Variants in LRIG1 observed in about 807,000 individuals in gnomAD.
LRIG1 encodes leucine rich repeats and immunoglobulin like domains 1, also known as leucine-rich repeats and immunoglobulin-like domains protein 1.
In LRIG1, 48 loss-of-function variants were observed where a neutral mutation model predicts 99.2. The observed-to-expected ratio is 0.48, with a 90% CI of 0.38 to 0.62. LRIG1 has a LOEUF of 0.62. LRIG1 is among the 20% of genes least tolerant of loss of function. The pLI is 0.00. For missense variants in LRIG1, 1,646 were observed against 1,434.4 expected, an observed-to-expected ratio of 1.15 and a Z score of -2.38; for synonymous variants, 772 against 596.1, an observed-to-expected ratio of 1.29 and a Z score of -4.30.
Position 66,404,350 on chromosome 3 carries a change from C to T in LRIG1, c.1160+848G>A, listed in dbSNP as rs748154036. The T allele has an allele frequency of 1.0e-4, 130 of 1,286,088 alleles. 3 individuals are homozygous for T. Among genetic ancestry groups the T allele is most frequent in the South Asian group, 7.7e-4 (62 of 80,340 alleles). The allele number at this position is 1,286,088 out of a possible 1,614,324, so 79.7% of individuals were successfully genotyped here. ...CGGGCTGGGGGAATCGAGCGGCAGC[C>T]GTCCTCTCTGTCTTGCCCTCCTCCA... is the stretch of plus-strand genomic sequence containing the variant. On this transcript the variant is annotated intron_variant, in intron 9 of 18. Coordinates refer to ENST00000273261, the MANE Select transcript of LRIG1 (RefSeq NM_015541.3).
chr3:66,388,205 T>G (rs2107948152), intron 12 of LRIG1: 1 of 149,052 alleles, frequency 6.7e-6, no homozygotes, highest in Admixed American at 6.7e-5. Flanking sequence ...ATTTTGAAAC[T>G]TAGAAGTACA....
At chr3:66,432,889 A>C (rs1012157277) in intron 3 of LRIG1, among the ~76,000 whole-genome samples, 2 of 152,168 alleles carry the variant, frequency 1.3e-5, no homozygotes, top group African/African-American at 4.8e-5. Flanking sequence ...GGGAACAAGA[A>C]GGGGAATGTC....
chr3:66,492,323 G>T (rs1701119416), intron 1 of LRIG1, among the ~76,000 whole-genome samples: 2 of 152,276 alleles, frequency 1.3e-5, no homozygotes, highest in African/African-American at 4.8e-5. Context: ...ATATTTCAAT[G>T]GCAAATTATA....
chr3:66,457,905 C>T (rs948049088), intron 2 of LRIG1, among the ~76,000 whole-genome samples: 4 of 152,168 alleles, frequency 2.6e-5, no homozygotes, highest in South Asian at 2.1e-4. Flanking sequence ...TCACTAATCA[C>T]GCAATTTCAG....
At chr3:66,407,808 C>G (rs1266268507) in intron 7 of LRIG1, among the ~76,000 whole-genome samples, 1 of 152,240 alleles carries the variant, frequency 6.6e-6, no homozygotes, top group Non-Finnish European at 1.5e-5. Flanking sequence ...CAAGCTCCAG[C>G]GCCTTCATGC....
chr3:66,416,559 CCATT>C (rs773795269), intron 4 of LRIG1, among the ~76,000 whole-genome samples: 2 of 152,148 alleles, frequency 1.3e-5, no homozygotes, highest in Non-Finnish European at 2.9e-5. Context: ...TGTCTACCAT[CCATT>C]GTGTGTGAGA....
At chr3:66,435,874 A>C (rs777752230) in intron 3 of LRIG1, among the ~76,000 whole-genome samples, 1 of 152,140 alleles carries the variant, frequency 6.6e-6, no homozygotes, top group African/African-American at 2.4e-5. Flanking sequence ...TCACGGTGGA[A>C]TCAGATGGAA....
chr3:66,380,167 A>ACAGATGAGTGACGCTTGAAC lies in LRIG1; in HGVS notation c.*76_*95dup. The stretch of plus-strand genomic sequence containing the variant: ...CTCCACATGGGAGTTACAACTATGT[A>ACAGATGAGTGACGCTTGAAC]CAGATGAGTGACGCTTGAACCCAAG... On this transcript the variant is annotated 3_prime_UTR_variant, in exon 19 of 19. Coordinates refer to ENST00000273261, the MANE Select transcript of LRIG1 (RefSeq NM_015541.3). The ACAGATGAGTGACGCTTGAAC allele has an allele frequency of 1.1e-6, 1 of 945,532 alleles. No individual in the cohort carries two copies. The highest frequency in any genetic ancestry group is 1.6e-6 in the Non-Finnish European group (1 of 632,038). 58.6% of individuals were successfully genotyped at this position (945,532 alleles called of 1,614,324 possible).
intron 15 of LRIG1, 26 bp downstream of exon 15, chr3:66,382,956 A>C: frequency 1.3e-6 from 2 of 1,570,418 alleles, no homozygotes; most frequent in Non-Finnish European, 1.7e-6. Flanking sequence ...CCTCCTTGAA[A>C]GTCAGCTCCG....
chr3:66,407,437 C>G lies in LRIG1; in HGVS notation c.990G>C (p.Leu330=), dbSNP rs1319851160. The part of the protein sequence containing the change: ...TRLDEESLAE[L]SSLSVLRLSH... ...TGAGACGCAGGACACTCAGGCTGCT[C>G]AGCTCGGCCAGGCTCTCCTCGTCCA... Residue 330 remains leucine (L), a synonymous_variant, in exon 8 of 19, where the codon CTG becomes CTC. Transcript: ENST00000273261. The G allele has an allele frequency of 2.5e-6, 4 of 1,613,942 alleles. No homozygotes were observed. The highest frequency in any genetic ancestry group is 2.5e-6 in the Non-Finnish European group (3 of 1,180,020).
intron 3 of LRIG1, among the ~76,000 whole-genome samples, chr3:66,442,412 C>G (rs908893864): frequency 2.0e-5 from 3 of 152,012 alleles, no homozygotes; most frequent in African/African-American, 7.2e-5. Flanking sequence ...CCAGTGGTAA[C>G]TGGATTACAG....
intron 3 of LRIG1, among the ~76,000 whole-genome samples, chr3:66,437,127 C>T (rs757163192): frequency 9.9e-5 from 15 of 152,218 alleles, no homozygotes; most frequent in Non-Finnish European, 1.9e-4. Context: ...CAGTGGGGAA[C>T]GGGTGGCATC....
chr3:66,481,860 T>C (rs1365663038), intron 1 of LRIG1, among the ~76,000 whole-genome samples: 2 of 152,256 alleles, frequency 1.3e-5, no homozygotes, highest in African/African-American at 4.8e-5. Context: ...TTCGAGACCA[T>C]GTTTACTTTG....
At chr3:66,488,308 A>C (rs1044070251) in intron 1 of LRIG1, among the ~76,000 whole-genome samples, 6 of 152,022 alleles carry the variant, frequency 3.9e-5, no homozygotes, top group Admixed American at 6.6e-5. Flanking sequence ...TTGGCCAAAA[A>C]CAGAGTCAGA....
rs1239566120 is a variant in LRIG1 at position 66,493,908 on chromosome 3, AAAG to A, written c.218+6279_218+6281del. Among the ~76,000 whole-genome samples, 4 of 151,706 alleles carry A rather than the reference AAAG, an allele frequency of 2.6e-5. No individual in the cohort carries two copies. In the South Asian group the frequency reaches 8.3e-4, roughly 32 times the overall value. The stretch of plus-strand genomic sequence containing the variant: ...GAGGGAGGGAAAGAAGGAAAAAAAG[AAAG>A]AAGGGAGGAGAGAAAGAAAAAAGAA... On this transcript the variant is annotated intron_variant, in intron 1 of 18. Transcript: ENST00000273261.
At chr3:66,437,694 G>A (rs1483019098) in intron 3 of LRIG1, among the ~76,000 whole-genome samples, 1 of 152,166 alleles carries the variant, frequency 6.6e-6, no homozygotes, top group African/African-American at 2.4e-5. Context: ...TGGGATGCCT[G>A]CTACATGCAG....
intron 1 of LRIG1, among the ~76,000 whole-genome samples, chr3:66,496,469 G>C (rs1315289233): frequency 6.6e-6 from 1 of 152,158 alleles, no homozygotes; most frequent in Non-Finnish European, 1.5e-5. Context: ...GCTATCAACA[G>C]ACAAGTTATC....
intron 3 of LRIG1, among the ~76,000 whole-genome samples, chr3:66,449,953 A>C (rs759245814): frequency 6.6e-6 from 1 of 152,236 alleles, no homozygotes; most frequent in Non-Finnish European, 1.5e-5. Flanking sequence ...ACAAGCTCGA[A>C]GCTAACTCAA....
intron 3 of LRIG1, among the ~76,000 whole-genome samples, chr3:66,430,523 C>G (rs1388961637): frequency 6.6e-6 from 1 of 152,214 alleles, no homozygotes; most frequent in African/African-American, 2.4e-5. Context: ...CCCATCCACA[C>G]GCCTCCCCTG....
Sources: gnomAD v4.1 joint callset for allele counts (sites outside exome capture counted in the v4.1 genomes callset) on GRCh38, gnomAD v4.1.1 for gene constraint, MANE v1.5 for transcripts, NCBI Gene and HGNC (gene_info 2026-07-23, HGNC 2026-07-21) for gene names.